The following TMEM135 variants were observed in gnomAD, a reference collection of about 807,000 sequenced individuals.
TMEM135 encodes the protein transmembrane protein 135.
TMEM135 carries 30 observed loss-of-function variants against 60.3 expected under a neutral mutation model. The ratio of observed to expected loss-of-function variants is 0.50; its 90% confidence interval spans 0.37 to 0.68. The LOEUF is 0.68. TMEM135 is among the 30% of genes least tolerant of loss of function. TMEM135 has a pLI of 0.00. For synonymous variants in TMEM135, 190 were observed against 186.7 expected, an observed-to-expected ratio of 1.02 and a Z score of -0.14; for missense variants, 468 against 548.8, an observed-to-expected ratio of 0.85 and a Z score of 1.47.
intron 6 of TMEM135, among the ~76,000 whole-genome samples, chr11:87,261,819 C>A (rs1941656868): frequency 6.6e-6 from 1 of 152,062 alleles, no homozygotes; most frequent in Non-Finnish European, 1.5e-5. Flanking sequence ...GAGGCGGGAT[C>A]CCCTTACGTT....
chr11:87,043,045 TC>T (rs59983950), intron 1 of TMEM135, among the ~76,000 whole-genome samples: 15,148 of 148,340 alleles, frequency 0.1, 863 homozygotes, highest in African/African-American at 0.11. Flanking sequence ...AACCTCCGCC[TC>T]CCAGGTTCAA....
intron 6 of TMEM135, among the ~76,000 whole-genome samples, chr11:87,285,042 G>A (rs1942138456): frequency 1.3e-5 from 2 of 152,170 alleles, no homozygotes; most frequent in South Asian, 4.1e-4. Flanking sequence ...ATATACTTAT[G>A]TGATTAGAAT....
chr11:87,223,233 C>T (rs1403073932), intron 5 of TMEM135, among the ~76,000 whole-genome samples: 1 of 149,306 alleles, frequency 6.7e-6, no homozygotes, highest in East Asian at 2.0e-4. Context: ...GGCGCGATCT[C>T]GGCTCACTGC....
At chr11:87,310,336 C>T (rs578046709) in intron 10 of TMEM135, among the ~76,000 whole-genome samples, 7 of 152,194 alleles carry the variant, frequency 4.6e-5, no homozygotes, top group Admixed American at 1.3e-4. Context: ...ATAATGGAAT[C>T]ACTAATATGT....
rs1942837109 is a variant in TMEM135 at position 87,322,360 on chromosome 11, T to C, written c.*1027T>C. ...AGTGGTTGTTTAAAAAGTCCATTTGTCACTAATTCCATTCAGGTTCTCCAA... is the reference window on the plus strand; with the variant it reads ...AGTGGTTGTTTAAAAAGTCCATTTGCCACTAATTCCATTCAGGTTCTCCAA... On this transcript the variant is annotated 3_prime_UTR_variant, in exon 15 of 15. Coordinates refer to ENST00000305494, the MANE Select transcript of TMEM135 (RefSeq NM_022918.4). 2.2e-6 allele frequency: 1 copy of C among 453,988 alleles called. No homozygotes were observed. The highest frequency in any genetic ancestry group is 4.4e-6 in the Non-Finnish European group (1 of 226,738). The allele number at this position is 453,988 out of a possible 1,614,324, so 28.1% of individuals were successfully genotyped here.
At chr11:87,166,008 T>A (rs1939031985) in intron 5 of TMEM135, among the ~76,000 whole-genome samples, 1 of 150,576 alleles carries the variant, frequency 6.6e-6, no homozygotes, top group South Asian at 2.1e-4. Flanking sequence ...GATAAATTCC[T>A]TGACACATAC....
At chr11:87,260,713 T>A (rs539579428) in intron 6 of TMEM135, among the ~76,000 whole-genome samples, 4 of 140,376 alleles carry the variant, frequency 2.8e-5, no homozygotes, top group East Asian at 4.0e-4. Context: ...ATAGTACTGA[T>A]AAGGATGAAA....
chr11:87,229,421 C>T (rs1417388205), intron 5 of TMEM135, among the ~76,000 whole-genome samples: 1 of 151,930 alleles, frequency 6.6e-6, no homozygotes, highest in Non-Finnish European at 1.5e-5. Flanking sequence ...TTTCTTTCAC[C>T]CATCAGACTG....
chr11:87,115,596 C>A (rs187519217), intron 4 of TMEM135, among the ~76,000 whole-genome samples: 1 of 152,006 alleles, frequency 6.6e-6, no homozygotes, highest in Admixed American at 6.6e-5. Context: ...TTGGCATAGA[C>A]TTTTCTATTA....
At chr11:87,144,979 G>C (rs626897) in intron 4 of TMEM135, among the ~76,000 whole-genome samples, 55,799 of 151,770 alleles carry the variant, frequency 0.37, 10,782 homozygotes, top group East Asian at 0.67. Context: ...AATTTACTCT[G>C]TTAGCAATTT....
At chr11:87,316,266 ATGTGTG>A (rs66886963) in intron 12 of TMEM135, among the ~76,000 whole-genome samples, 1 of 148,844 alleles carries the variant, frequency 6.7e-6, no homozygotes, top group East Asian at 2.0e-4. Context: ...ACCCAAATAT[ATGTGTG>A]TGTGTGTGTG....
At chr11:87,150,197 A>T (rs1362541342) in intron 4 of TMEM135, among the ~76,000 whole-genome samples, 1 of 148,872 alleles carries the variant, frequency 6.7e-6, no homozygotes, top group Non-Finnish European at 1.5e-5. Context: ...CCTGGGCAAC[A>T]AGAGCGAAAC....
intron 6 of TMEM135, among the ~76,000 whole-genome samples, chr11:87,272,046 C>CT (rs1219562499): frequency 5.7e-5 from 4 of 69,600 alleles, no homozygotes; most frequent in Admixed American, 1.5e-4. Flanking sequence ...CTTTCTTTTT[C>CT]TTTTCTTTTT....
intron 4 of TMEM135, among the ~76,000 whole-genome samples, chr11:87,111,650 CAAA>C (rs746609752): frequency 1.4e-5 from 1 of 73,926 alleles, no homozygotes. Flanking sequence ...GACTCCGTCT[CAAA>C]AAAAAAAAAA....
chr11:87,188,444 G>A (rs1017270493), intron 5 of TMEM135, among the ~76,000 whole-genome samples: 7 of 152,074 alleles, frequency 4.6e-5, no homozygotes, highest in African/African-American at 1.7e-4. Flanking sequence ...GCTCATGCCT[G>A]TAATCCCAGC....
intron 5 of TMEM135, among the ~76,000 whole-genome samples, chr11:87,178,079 G>A (rs544325979): frequency 7.2e-5 from 11 of 152,270 alleles, no homozygotes; most frequent in African/African-American, 2.2e-4. Flanking sequence ...TGGGGTTTCA[G>A]TATATGGGTG....
intron 2 of TMEM135, among the ~76,000 whole-genome samples, chr11:87,070,368 C>T (rs1485846656): frequency 6.6e-6 from 1 of 151,616 alleles, no homozygotes; most frequent in Non-Finnish European, 1.5e-5. Flanking sequence ...TCTTAAAAAA[C>T]CTGCGTTGGC....
intron 1 of TMEM135, among the ~76,000 whole-genome samples, chr11:87,040,888 G>A (rs1181932854): frequency 6.6e-6 from 1 of 152,094 alleles, no homozygotes; most frequent in Non-Finnish European, 1.5e-5. Context: ...GTTCATGGAA[G>A]GTGGGTAGGG....
intron 1 of TMEM135, among the ~76,000 whole-genome samples, chr11:87,039,375 G>A (rs1168066297): frequency 6.6e-6 from 1 of 152,066 alleles, no homozygotes; most frequent in Non-Finnish European, 1.5e-5. Flanking sequence ...GTCCTGGTGG[G>A]GCCTGAACCT....
Sources: allele counts gnomAD v4.1 joint callset (sites outside exome capture counted in the v4.1 genomes callset), GRCh38; gene constraint gnomAD v4.1.1; transcripts MANE v1.5; gene names NCBI Gene and HGNC (gene_info 2026-07-23, HGNC 2026-07-21).